The following GRAP2 variants were observed in gnomAD, a reference collection of about 807,000 sequenced individuals.
GRAP2 encodes the protein GRB2 related adaptor protein 2.
A neutral mutation model predicts 43.5 loss-of-function variants in GRAP2; 31 were observed. That is an observed-to-expected ratio of 0.71 (90% CI 0.54 to 0.96). The LOEUF is 0.96. Among genes scored for constraint, GRAP2 ranks in the 40% least tolerant of loss-of-function variants. The pLI, the probability that GRAP2 is intolerant of heterozygous loss-of-function variation, is 0.00. For missense variants in GRAP2, 371 were observed against 424.4 expected, an observed-to-expected ratio of 0.87 and a Z score of 1.11; for synonymous variants, 156 against 164.8, an observed-to-expected ratio of 0.95 and a Z score of 0.41.
intron 1 of GRAP2, among the ~76,000 whole-genome samples, chr22:39,925,436 A>G (rs1263669047): frequency 6.6e-6 from 1 of 152,152 alleles, no homozygotes; most frequent in Non-Finnish European, 1.5e-5. Flanking sequence ...TTAGCACCCC[A>G]GTTTGGACTT....
In GRAP2 at chr22:39,971,026, G is replaced by A. The variant is rs201778964; in HGVS notation, c.935G>A (p.Arg312His). The change falls in exon 8 of 8, where the codon CGC (arginine) becomes CAC (histidine). Residue 312 changes from arginine (R) to histidine (H), a missense_variant. Physicochemically the swap from Arg to His is conservative, Grantham distance 29 (BLOSUM62 0). Coordinates refer to ENST00000344138, the MANE Select transcript of GRAP2 (RefSeq NM_004810.4). ...TCCAACCCATCCTGGTGGACCGGCC[G>A]CCTGCACAACAAGCTGGGCCTCTTC... ...DSSNPSWWTG[R>H]LHNKLGLFPA... 84 of 1,613,596 alleles carry A rather than the reference G, an allele frequency of 5.2e-5. No individual in the cohort carries two copies. The highest frequency in any genetic ancestry group is 1.8e-4 in the South Asian group (16 of 91,024).
chr22:39,955,530 G>A (rs990483231), intron 2 of GRAP2, among the ~76,000 whole-genome samples: 1 of 152,112 alleles, frequency 6.6e-6, no homozygotes, highest in Admixed American at 6.5e-5. Flanking sequence ...AGGGATTCAG[G>A]GAAGTCCTTG....
At chr22:39,969,786 T>C (rs897751691) in intron 7 of GRAP2, among the ~76,000 whole-genome samples, 2 of 152,134 alleles carry the variant, frequency 1.3e-5, no homozygotes, top group African/African-American at 4.8e-5. Flanking sequence ...TGGTGGCAGA[T>C]GCCAGTAATC....
chr22:39,916,721 G>A (rs186677099), intron 1 of GRAP2, among the ~76,000 whole-genome samples: 1 of 152,340 alleles, frequency 6.6e-6, no homozygotes, highest in East Asian at 1.9e-4. Context: ...CTTACTGAAA[G>A]GAACTTCTTG....
chr22:39,919,007 G>A (rs991960745), intron 1 of GRAP2, among the ~76,000 whole-genome samples: 1 of 152,122 alleles, frequency 6.6e-6, no homozygotes, highest in African/African-American at 2.4e-5. Flanking sequence ...GCTGGCTGCC[G>A]TGACTCATGC....
chr22:39,937,971 C>T (rs571382916), intron 1 of GRAP2, among the ~76,000 whole-genome samples: 5 of 152,074 alleles, frequency 3.3e-5, no homozygotes, highest in Middle Eastern at 3.4e-3. Context: ...TCATGTGATG[C>T]GTCTTGCACT....
intron 1 of GRAP2, among the ~76,000 whole-genome samples, chr22:39,920,071 A>G (rs545302204): frequency 6.6e-6 from 1 of 152,316 alleles, no homozygotes; most frequent in South Asian, 2.1e-4. Context: ...GACCATGAAC[A>G]CAATGTGTGA....
At chr22:39,920,368 T>C (rs1215219854) in intron 1 of GRAP2, among the ~76,000 whole-genome samples, 1 of 152,102 alleles carries the variant, frequency 6.6e-6, no homozygotes, top group Non-Finnish European at 1.5e-5. Flanking sequence ...TGATAACACA[T>C]CTAAATTCAA....
intron 2 of GRAP2, 84 bp from the exon 3 acceptor site, chr22:39,955,735 G>T: frequency 1.4e-6 from 1 of 725,334 alleles, no homozygotes; most frequent in Non-Finnish European, 2.5e-6. Flanking sequence ...GTCCAAAAGG[G>T]CCTTCTTTGC....
At chr22:39,907,046 A>C (rs2066528188) in intron 1 of GRAP2, among the ~76,000 whole-genome samples, 2 of 152,228 alleles carry the variant, frequency 1.3e-5, no homozygotes, top group African/African-American at 2.4e-5. Flanking sequence ...TCCGCTAAAT[A>C]GATTTGTTTG....
At chr22:39,913,456 C>G (rs533246935) in intron 1 of GRAP2, among the ~76,000 whole-genome samples, 1 of 152,316 alleles carries the variant, frequency 6.6e-6, no homozygotes, top group East Asian at 1.9e-4. Flanking sequence ...ATCCTGCTTG[C>G]TAGAACTGGG....
At chr22:39,943,317 T>A (rs2066889111) in intron 1 of GRAP2, among the ~76,000 whole-genome samples, 1 of 152,218 alleles carries the variant, frequency 6.6e-6, no homozygotes, top group Admixed American at 6.5e-5. Context: ...TTTTTTAAGA[T>A]TTTTTTGGTA....
intron 1 of GRAP2, among the ~76,000 whole-genome samples, chr22:39,926,370 C>T (rs762508154): frequency 1.2e-4 from 18 of 151,422 alleles, no homozygotes; most frequent in African/African-American, 4.1e-4. Flanking sequence ...AGAGAGTGTG[C>T]GTATCTACAA....
At chr22:39,920,719 G>A (rs186212308) in intron 1 of GRAP2, among the ~76,000 whole-genome samples, 52 of 152,164 alleles carry the variant, frequency 3.4e-4, no homozygotes, top group South Asian at 8.3e-4. Context: ...AACCCCCAGA[G>A]TAAGTTCCGT....
chr22:39,956,473 T>G (rs201845605), intron 3 of GRAP2, among the ~76,000 whole-genome samples: 1 of 144,746 alleles, frequency 6.9e-6, no homozygotes, highest in Non-Finnish European at 1.5e-5. Flanking sequence ...AAGTTTTGGG[T>G]TTTTTTGGGT....
At chr22:39,910,731 A>G (rs1221789878) in intron 1 of GRAP2, among the ~76,000 whole-genome samples, 1 of 148,346 alleles carries the variant, frequency 6.7e-6, no homozygotes, top group Non-Finnish European at 1.5e-5. Context: ...CTGTACTTAC[A>G]CTGTTGATTT....
intron 1 of GRAP2, among the ~76,000 whole-genome samples, chr22:39,927,462 G>A (rs1047450141): frequency 6.6e-6 from 1 of 152,210 alleles, no homozygotes; most frequent in African/African-American, 2.4e-5. Context: ...CACATCTGGT[G>A]GCATTCCTGT....
chr22:39,908,617 A>T (rs576950001), intron 1 of GRAP2, among the ~76,000 whole-genome samples: 22 of 152,274 alleles, frequency 1.4e-4, no homozygotes, highest in African/African-American at 5.1e-4. Context: ...TTGTTCTTGG[A>T]AGTTGGAGAC....
chr22:39,905,255 A>G (rs2066515761), intron 1 of GRAP2, among the ~76,000 whole-genome samples: 1 of 152,138 alleles, frequency 6.6e-6, no homozygotes, highest in Admixed American at 6.6e-5. Context: ...TAAATTGATT[A>G]TTTCATTGGA....
Sources: allele counts gnomAD v4.1 joint callset (sites outside exome capture counted in the v4.1 genomes callset), GRCh38; gene constraint gnomAD v4.1.1; transcripts MANE v1.5; gene names NCBI Gene and HGNC (gene_info 2026-07-23, HGNC 2026-07-21).